Variants in TIAM1 observed in about 807,000 individuals in gnomAD.
TIAM1 encodes the protein TIAM Rac1 associated GEF 1.
TIAM1 carries 65 observed loss-of-function variants against 163.5 expected under a neutral mutation model. The ratio of observed to expected loss-of-function variants is 0.40; its 90% CI spans 0.33 to 0.49. The LOEUF (loss-of-function observed/expected upper bound fraction) is 0.49, where lower values mean the gene tolerates loss of function less well. TIAM1 is among the 20% of genes least tolerant of loss of function. TIAM1 has a pLI of 0.77. For synonymous variants in TIAM1, 833 were observed against 810.1 expected, an observed-to-expected ratio of 1.03 and a Z score of -0.48; for missense variants, 1,789 against 2,044.7, an observed-to-expected ratio of 0.87 and a Z score of 2.41.
At chr21:31,514,619 G>C (rs1240326536) in intron 1 of TIAM1, among the ~76,000 whole-genome samples, 1 of 152,108 alleles carries the variant, frequency 6.6e-6, no homozygotes, top group Non-Finnish European at 1.5e-5. Flanking sequence ...CTTAAACCTG[G>C]GAGGTGGAGA....
chr21:31,309,845 C>T (rs2074857155), intron 2 of TIAM1, among the ~76,000 whole-genome samples: 1 of 152,166 alleles, frequency 6.6e-6, no homozygotes, highest in East Asian at 1.9e-4. Flanking sequence ...GATATAAAGA[C>T]ATCATCAGGC....
At chr21:31,544,363 C>T (rs2048419330) in intron 1 of TIAM1, among the ~76,000 whole-genome samples, 2 of 58,002 alleles carry the variant, frequency 3.4e-5, no homozygotes. Context: ...TCTTGCTGTC[C>T]CAGACCACCA....
intron 4 of TIAM1, 134 bp downstream of exon 4, chr21:31,265,876 C>A: frequency 7.2e-6 from 9 of 1,254,980 alleles, no homozygotes; most frequent in Non-Finnish European, 9.8e-6. Context: ...CCCAAAACAG[C>A]ACCAGCTGCA....
intron 2 of TIAM1, among the ~76,000 whole-genome samples, chr21:31,293,979 G>A (rs1049844286): frequency 1.3e-5 from 2 of 152,106 alleles, no homozygotes; most frequent in African/African-American, 4.8e-5. Flanking sequence ...AAATTATGGA[G>A]GTCCTGGGTA....
chr21:31,507,244 C>T (rs904146051), intron 1 of TIAM1, among the ~76,000 whole-genome samples: 19 of 106,748 alleles, frequency 1.8e-4, no homozygotes, highest in Non-Finnish European at 2.6e-4. Context: ...CTTTCTCTGT[C>T]GCCCAGGATG....
intron 1 of TIAM1, among the ~76,000 whole-genome samples, chr21:31,555,683 A>G (rs1449905623): frequency 6.6e-6 from 1 of 152,194 alleles, no homozygotes; most frequent in Non-Finnish European, 1.5e-5. Flanking sequence ...TGTGGTTCCC[A>G]TGCTCTCACC....
Position 31,182,491 on chromosome 21 carries a change from G to A in TIAM1, c.2817C>T (p.Ser939=). Residue 939 remains serine, a synonymous_variant, in exon 15 of 28, where the codon AGC becomes AGT. Coordinates refer to ENST00000541036, the MANE Select transcript of TIAM1 (RefSeq NM_001353694.2). ...CAGGGCCGTCCACTCGGTGGGGCGG[G>A]CTTTCCAGCAGCTCCACTCCTTCCT... ...ELEEGVELLE[S]PPHRVDGPAD... 6.2e-7 allele frequency: 1 copy of A among 1,612,146 alleles called. No homozygotes were observed.
At chr21:31,167,723 C>T (rs560227183) in intron 15 of TIAM1, among the ~76,000 whole-genome samples, 4 of 152,276 alleles carry the variant, frequency 2.6e-5, no homozygotes, top group African/African-American at 7.2e-5. Flanking sequence ...GGCTCCCTGG[C>T]TCCTGAGCAC....
chr21:31,266,997 G>A lies in TIAM1; in HGVS notation c.-11-14C>T, dbSNP rs188559742. On this transcript the variant is annotated splice_polypyrimidine_tract_variant and intron_variant, in intron 3 of 27. Transcript: ENST00000541036. ...TGGTTTTATGGTCTGCAGCAAAGCG[G>A]GGGGAAAGGGGAGAATTGAGTCACT... 1.5e-5 allele frequency: 24 copies of A among 1,574,032 alleles called. No homozygotes were observed. The highest frequency in any genetic ancestry group is 2.0e-5 in the Non-Finnish European group (23 of 1,158,730).
chr21:31,246,620 C>G (rs1339485936), intron 5 of TIAM1, among the ~76,000 whole-genome samples: 1 of 152,188 alleles, frequency 6.6e-6, no homozygotes, highest in Non-Finnish European at 1.5e-5. Flanking sequence ...AAAGTTCAAT[C>G]TATTCGGCTA....
intron 2 of TIAM1, among the ~76,000 whole-genome samples, chr21:31,287,370 T>A (rs2073851660): frequency 6.6e-6 from 1 of 152,220 alleles, no homozygotes; most frequent in African/African-American, 2.4e-5. Flanking sequence ...ACCTGTTATA[T>A]GTTTGGAATG....
intron 2 of TIAM1, among the ~76,000 whole-genome samples, chr21:31,386,666 G>A (rs2076877478): frequency 1.3e-5 from 2 of 152,164 alleles, no homozygotes; most frequent in African/African-American, 4.8e-5. Flanking sequence ...CCTTGTGCCT[G>A]TGCAAGTGTC....
intron 25 of TIAM1, among the ~76,000 whole-genome samples, chr21:31,128,830 G>C (rs1055275710): frequency 6.6e-6 from 1 of 152,300 alleles, no homozygotes; most frequent in African/African-American, 2.4e-5. Flanking sequence ...TGTGAAGGAA[G>C]AGATGCCTCA....
chr21:31,359,399 G>A (rs1025212404), intron 2 of TIAM1, among the ~76,000 whole-genome samples: 3 of 152,110 alleles, frequency 2.0e-5, no homozygotes, highest in African/African-American at 7.2e-5. Flanking sequence ...TTTGTTGAGT[G>A]AACAAATAGT....
At chr21:31,543,031 G>C (rs985987427) in intron 1 of TIAM1, among the ~76,000 whole-genome samples, 1 of 152,020 alleles carries the variant, frequency 6.6e-6, no homozygotes, top group Non-Finnish European at 1.5e-5. Context: ...GGAATCAAAG[G>C]CATATCGGTG....
intron 2 of TIAM1, among the ~76,000 whole-genome samples, chr21:31,436,936 T>A (rs2044229951): frequency 6.6e-6 from 1 of 151,974 alleles, no homozygotes; most frequent in Non-Finnish European, 1.5e-5. Context: ...CCAGCCTGGG[T>A]GACACAGTGA....
chr21:31,296,620 A>AG (rs911875659), intron 2 of TIAM1, among the ~76,000 whole-genome samples: 50 of 152,244 alleles, frequency 3.3e-4, no homozygotes, highest in African/African-American at 1.2e-3. Flanking sequence ...TCTTCTTATC[A>AG]GGGGAGTCCA....
intron 2 of TIAM1, among the ~76,000 whole-genome samples, chr21:31,293,596 C>A (rs1391214719): frequency 6.6e-6 from 1 of 152,210 alleles, no homozygotes; most frequent in Non-Finnish European, 1.5e-5. Context: ...CCAACAGGTG[C>A]TCCTGACAGA....
At chr21:31,203,565 C>G (rs550346109) in intron 11 of TIAM1, among the ~76,000 whole-genome samples, 25 of 152,372 alleles carry the variant, frequency 1.6e-4, no homozygotes, top group Admixed American at 6.5e-4. Flanking sequence ...ATGGAAACAA[C>G]TGACTCACAT....
Sources: allele counts gnomAD v4.1 joint callset (sites outside exome capture counted in the v4.1 genomes callset), GRCh38; gene constraint gnomAD v4.1.1; transcripts MANE v1.5; gene names NCBI Gene and HGNC (gene_info 2026-07-23, HGNC 2026-07-21).